OCSTAMP: variants seen among roughly 807,000 people sequenced by gnomAD.
The protein encoded by OCSTAMP is osteoclast stimulatory transmembrane protein.
A neutral mutation model predicts 25.2 loss-of-function variants in OCSTAMP; 17 were observed. That is an observed-to-expected ratio of 0.68 (90% CI 0.46 to 1.01). The LOEUF (loss-of-function observed/expected upper bound fraction) is 1.01, where lower values mean the gene tolerates loss of function less well. OCSTAMP is among the 50% of genes least tolerant of loss of function. OCSTAMP has a pLI of 0.00. For missense variants in OCSTAMP, 664 were observed against 694.6 expected, an observed-to-expected ratio of 0.96 and a Z score of 0.50; for synonymous variants, 345 against 318.9, an observed-to-expected ratio of 1.08 and a Z score of -0.87.
chr20:46,546,026 C>T lies in OCSTAMP; in HGVS notation c.348G>A (p.Glu116=), dbSNP rs1421717964. The change falls in exon 2 of 3, where the codon GAG becomes GAA. Residue 116 remains glutamate (E), a synonymous_variant. Coordinates refer to ENST00000279028, the MANE Select transcript of OCSTAMP (RefSeq NM_080721.3). The part of the protein sequence containing the change: ...FALSVPTLGM[E]QGRRLLLSYS... ...AGGACAGGAGCAGCCGGCGGCCCTG[C>T]TCCATACCCAGGGTGGGCACGCTGA... The T allele has an allele frequency of 2.6e-6, 4 of 1,551,366 alleles. No homozygotes were observed. In the African/African-American group the frequency reaches 5.5e-5, roughly 21 times the overall value.
intron 2 of OCSTAMP, among the ~76,000 whole-genome samples, chr20:46,543,166 T>C (rs2061839798): frequency 6.6e-6 from 1 of 151,266 alleles, no homozygotes; most frequent in Non-Finnish European, 1.5e-5. Context: ...CTTCCTCCCT[T>C]CCTTCCTTCG....
At chr20:46,549,955 C>T (rs907334692) in intron 1 of OCSTAMP, among the ~76,000 whole-genome samples, 2 of 152,008 alleles carry the variant, frequency 1.3e-5, no homozygotes, top group African/African-American at 4.8e-5. Context: ...GCTGAGTATC[C>T]ACTACCCACC....
chr20:46,541,451 A>G lies in OCSTAMP; in HGVS notation c.1524T>C (p.Ser508=). Residue 508 remains serine, a synonymous_variant, in exon 3 of 3, where the codon AGT becomes AGC. Coordinates refer to ENST00000279028, the MANE Select transcript of OCSTAMP (RefSeq NM_080721.3). ...GKELWSCRDL[S]CNLGPVPPPC... ...GAGGCGGCACAGGACCAAGGTTACAACTCAGGTCTCTGCAACTCCAAAGCT... is the reference window on the plus strand; with the variant it reads ...GAGGCGGCACAGGACCAAGGTTACAGCTCAGGTCTCTGCAACTCCAAAGCT... 1 of 1,536,832 alleles carries G rather than the reference A, an allele frequency of 6.5e-7. No homozygotes were observed. The highest frequency in any genetic ancestry group is 1.4e-5 in the African/African-American group (1 of 72,736).
chr20:46,543,339 TTC>T (rs1601101662), intron 2 of OCSTAMP, among the ~76,000 whole-genome samples: 1 of 148,848 alleles, frequency 6.7e-6, no homozygotes, highest in Non-Finnish European at 1.5e-5. Flanking sequence ...TCTTCGTTTC[TTC>T]CTTTTTTTTT....
chr20:46,544,822 G>A (rs2061845912), intron 2 of OCSTAMP, among the ~76,000 whole-genome samples: 1 of 152,170 alleles, frequency 6.6e-6, no homozygotes, highest in African/African-American at 2.4e-5. Flanking sequence ...TTGTCCTGAA[G>A]GCTATAGTTG....
chr20:46,541,231 T>A lies in OCSTAMP; in HGVS notation c.*43A>T, dbSNP rs1383245587. The A allele has an allele frequency of 1.4e-6, 1 of 698,028 alleles. No individual in the cohort carries two copies. The highest frequency in any genetic ancestry group is 2.7e-6 in the Non-Finnish European group (1 of 373,090). The allele number at this position is 698,028 out of a possible 1,614,324, so 43.2% of individuals were successfully genotyped here. ...ACCAGCCTGGAGGAACCATGAGCTCTCTCTGCACTCCTTGTCTTCGCCTTT... is the reference window on the plus strand; with the variant it reads ...ACCAGCCTGGAGGAACCATGAGCTCACTCTGCACTCCTTGTCTTCGCCTTT... On this transcript the variant is annotated 3_prime_UTR_variant, in exon 3 of 3. Transcript: ENST00000279028.
intron 2 of OCSTAMP, among the ~76,000 whole-genome samples, chr20:46,542,815 G>C (rs2061838648): frequency 6.6e-6 from 1 of 152,118 alleles, no homozygotes; most frequent in Admixed American, 6.5e-5. Context: ...GGTGCAGAAG[G>C]ATAGCTTGCC....
rs572263812 is a variant in OCSTAMP, at chr20:46,545,427, G to T, written c.947C>A (p.Ala316Glu). ...GAAGGCTACATGGTCTGTGGCCACC[G>T]CCACAGCCGTGGCCACGAGGAGCAG... is the stretch of plus-strand genomic sequence containing the variant. ...LALLLVATAV[A>E]VATDHVAFLL... The change falls in exon 2 of 3, where the codon GCG becomes GAG. Residue 316 changes from alanine (A) to glutamate (E), a missense_variant. Coordinates refer to ENST00000279028, the MANE Select transcript of OCSTAMP (RefSeq NM_080721.3). 1.3e-6 allele frequency: 2 copies of T among 1,550,248 alleles called. No homozygotes were observed. The highest frequency in any genetic ancestry group is 1.7e-6 in the Non-Finnish European group (2 of 1,146,488).
rs1400922304 is a variant in OCSTAMP, at chr20:46,541,045, T to C, written c.*229A>G. ...ATAACGTAATCTAAGATTTAATAAA[T>C]ACGTTTATTTATAAAATTAAAACTA... On this transcript the variant is annotated 3_prime_UTR_variant, in exon 3 of 3. Coordinates refer to ENST00000279028, the MANE Select transcript of OCSTAMP (RefSeq NM_080721.3). 2 of 478,654 alleles carry C rather than the reference T, an allele frequency of 4.2e-6. No homozygotes were observed. Among genetic ancestry groups the C allele is most frequent in the Admixed American group, 6.9e-5 (2 of 28,874 alleles). The allele number at this position is 478,654 out of a possible 1,614,324, so 29.7% of individuals were successfully genotyped here.
At position 46,545,499 on chromosome 20, in the gene OCSTAMP, G is replaced by A; in HGVS notation, c.875C>T (p.Ser292Leu). 1.3e-6 allele frequency: 2 copies of A among 1,551,490 alleles called. No homozygotes were observed. Among genetic ancestry groups the A allele is most frequent in the Non-Finnish European group, 1.7e-6 (2 of 1,146,896 alleles). The change falls in exon 2 of 3, where the codon TCA (serine) becomes TTA (leucine). Residue 292 changes from serine to leucine, a missense_variant. By Grantham distance (145) the Ser-to-Leu change is moderately radical. Coordinates refer to ENST00000279028, the MANE Select transcript of OCSTAMP (RefSeq NM_080721.3). Reference protein sequence around the residue: ...WLLQAAQLRLSQEELLSCLLR... With the variant: ...WLLQAAQLRLLQEELLSCLLR... ...AAGACAACTCAACAGCTCCTCCTGTGACAGCCTCAGCTGAGCCGCCTGGAG... is the reference window on the plus strand; with the variant it reads ...AAGACAACTCAACAGCTCCTCCTGTAACAGCCTCAGCTGAGCCGCCTGGAG...
Position 46,550,623 on chromosome 20 carries a change from A to G in OCSTAMP, c.-63T>C. On this transcript the variant is annotated 5_prime_UTR_variant, in exon 1 of 3. Transcript: ENST00000279028. ...TGGCAGCTGTGGCAGGTGGAGAGGA[A>G]GTGGGGGAATCGCTGGGACTTGGGA... The G allele has an allele frequency of 6.8e-7, 1 of 1,469,580 alleles. No individual in the cohort carries two copies. Among genetic ancestry groups the G allele is most frequent in the Non-Finnish European group, 9.3e-7 (1 of 1,072,744 alleles). 91.0% of individuals were successfully genotyped at this position (1,469,580 alleles called of 1,614,324 possible).
At chr20:46,543,829 T>C (rs1004145790) in intron 2 of OCSTAMP, among the ~76,000 whole-genome samples, 1 of 152,184 alleles carries the variant, frequency 6.6e-6, no homozygotes, top group Non-Finnish European at 1.5e-5. Flanking sequence ...TTGATGACTA[T>C]CTGAGATTTG....
chr20:46,541,300 T>C lies in OCSTAMP; in HGVS notation c.1675A>G (p.Asn559Asp). 1.4e-6 allele frequency: 1 copy of C among 726,730 alleles called. No individual in the cohort carries two copies. The highest frequency in any genetic ancestry group is 2.5e-6 in the Non-Finnish European group (1 of 392,534). 45.0% of individuals were successfully genotyped at this position (726,730 alleles called of 1,614,324 possible). A position where few individuals can be genotyped will look rare whatever the true frequency, so the allele number is the denominator to read the frequency against. Residue 559 changes from asparagine to aspartate, a missense_variant, in exon 3 of 3, where the codon AAT becomes GAT. Coordinates refer to ENST00000279028, the MANE Select transcript of OCSTAMP (RefSeq NM_080721.3). ...PRRDVVRMEG[N>D]TGHDRPG ...TATCCAGGCCTATCATGCCCAGTAT[T>C]TCCTTCCATCCTGACCACATCCCTG...
intron 1 of OCSTAMP, among the ~76,000 whole-genome samples, chr20:46,548,635 A>G (rs1047341371): frequency 1.3e-5 from 2 of 152,202 alleles, no homozygotes; most frequent in Non-Finnish European, 2.9e-5. Context: ...ATCATACATT[A>G]TCTTAAGTGA....
chr20:46,547,120 G>T (rs1309696928), intron 1 of OCSTAMP, among the ~76,000 whole-genome samples: 2 of 152,058 alleles, frequency 1.3e-5, no homozygotes. Flanking sequence ...AGGTGCTTTT[G>T]TGTCTGAGCA....
chr20:46,549,127 A>G (rs901800156), intron 1 of OCSTAMP, among the ~76,000 whole-genome samples: 1 of 152,216 alleles, frequency 6.6e-6, no homozygotes, highest in Non-Finnish European at 1.5e-5. Flanking sequence ...TTCTACAGGC[A>G]GTGTAAGATC....
At chr20:46,543,309 T>C (rs112821618) in intron 2 of OCSTAMP, among the ~76,000 whole-genome samples, 46 of 113,196 alleles carry the variant, frequency 4.1e-4, no homozygotes, top group African/African-American at 1.5e-3. Context: ...CTCTTTCCTT[T>C]CTTTCTTTCT....
chr20:46,546,255 G>A lies in OCSTAMP; in HGVS notation c.119C>T (p.Pro40Leu), dbSNP rs2061852390. ...LQAAWDAFSQ[P>L]VPASCGQLLT... ...CAGCTGGCCACAGCTGGCTGGAACA[G>A]GCTGGGAGAAGGCGTCCCAGGCAGC... The change falls in exon 2 of 3, where the codon CCT becomes CTT. Residue 40 changes from proline to leucine, a missense_variant. By Grantham distance (98) the Pro-to-Leu change is moderately conservative (BLOSUM62 -3). Coordinates refer to ENST00000279028, the MANE Select transcript of OCSTAMP (RefSeq NM_080721.3). The A allele has an allele frequency of 1.3e-6, 2 of 1,551,112 alleles. No individual in the cohort carries two copies. Among genetic ancestry groups the A allele is most frequent in the Non-Finnish European group, 1.7e-6 (2 of 1,146,970 alleles).
rs2061834178 is a variant in OCSTAMP at position 46,541,545 on chromosome 20, T to C, written c.1430A>G (p.Lys477Arg). Residue 477 changes from lysine to arginine, a missense_variant, in exon 3 of 3, where the codon AAG becomes AGG. Lys to Arg is a conservative substitution (Grantham distance 26, BLOSUM62 2). Transcript: ENST00000279028. ...SCVPTPRPAC[K>R]PPAWIDYRLD... ...CCTGTAGTCTATCCATGCCGGAGGC[T>C]TGCAGGCAGGTCTGGGTGTGGGGAC... 1 of 1,551,752 alleles carries C rather than the reference T, an allele frequency of 6.4e-7. No individual in the cohort carries two copies. Among genetic ancestry groups the C allele is most frequent in the Admixed American group, 2.0e-5 (1 of 51,000 alleles).
Sources: allele counts gnomAD v4.1 joint callset (sites outside exome capture counted in the v4.1 genomes callset), GRCh38; gene constraint gnomAD v4.1.1; transcripts MANE v1.5; gene names NCBI Gene and HGNC (gene_info 2026-07-23, HGNC 2026-07-21).